SORCS1: variants seen among roughly 807,000 people sequenced by gnomAD.
SORCS1 encodes the protein VPS10 domain-containing receptor SorCS1.
SORCS1 carries 60 observed loss-of-function variants against 146.1 expected under a neutral mutation model. The observed-to-expected ratio is 0.41, with a 90% CI of 0.33 to 0.51. The LOEUF (loss-of-function observed/expected upper bound fraction) is 0.51. Among genes scored for constraint, SORCS1 ranks in the 20% least tolerant of loss-of-function variants. The pLI, the probability that SORCS1 is intolerant of heterozygous loss-of-function variation, is 0.21. For missense variants in SORCS1, 1,352 were observed against 1,487.6 expected (o/e 0.91, Z 1.50); for synonymous variants, 637 against 584.0 (o/e 1.09, Z -1.31).
chr10:106,606,704 G>A (rs1329263766), intron 23 of SORCS1, among the ~76,000 whole-genome samples: 1 of 152,144 alleles, frequency 6.6e-6, no homozygotes, highest in Non-Finnish European at 1.5e-5. Flanking sequence ...TTGAACTGCA[G>A]TTCCCATAAT....
At chr10:107,006,039 G>A (rs1957429461) in intron 1 of SORCS1, among the ~76,000 whole-genome samples, 1 of 152,240 alleles carries the variant, frequency 6.6e-6, no homozygotes, top group East Asian at 1.9e-4. Context: ...TCCCTACATT[G>A]TCCAATTTAA....
intron 1 of SORCS1, among the ~76,000 whole-genome samples, chr10:107,084,642 A>G (rs1162356047): frequency 6.6e-6 from 1 of 152,178 alleles, no homozygotes; most frequent in Non-Finnish European, 1.5e-5. Context: ...ATAATAGTCT[A>G]CAATAGTTAC....
intron 3 of SORCS1, among the ~76,000 whole-genome samples, chr10:106,794,501 CTTTTTT>C (rs35647552): frequency 1.6e-5 from 2 of 126,068 alleles, no homozygotes; most frequent in Admixed American, 1.7e-4. Flanking sequence ...TTTTCTTTTT[CTTTTTT>C]TTTTTTTTTT....
At chr10:106,588,505 G>A (rs1845377755) in intron 24 of SORCS1, among the ~76,000 whole-genome samples, 1 of 152,058 alleles carries the variant, frequency 6.6e-6, no homozygotes, top group African/African-American at 2.4e-5. Context: ...GTTGAACAGT[G>A]GTTGTTAAGA....
intron 1 of SORCS1, among the ~76,000 whole-genome samples, chr10:107,004,694 A>G (rs1337426487): frequency 6.6e-6 from 1 of 152,138 alleles, no homozygotes; most frequent in East Asian, 1.9e-4. Context: ...ATTTACCAGA[A>G]GTGGCTACTC....
intron 5 of SORCS1, among the ~76,000 whole-genome samples, chr10:106,756,552 A>C (rs554560455): frequency 6.6e-6 from 1 of 152,226 alleles, no homozygotes; most frequent in Admixed American, 6.5e-5. Flanking sequence ...TGTTGCTGTC[A>C]GTTAAATTAA....
chr10:106,607,267 C>T lies in SORCS1; in HGVS notation c.3064G>A (p.Val1022Met). 6.2e-7 allele frequency: 1 copy of T among 1,614,064 alleles called. No individual in the cohort carries two copies. The highest frequency in any genetic ancestry group is 1.1e-5 in the South Asian group (1 of 91,078). The change falls in exon 23 of 26, where the codon GTG becomes ATG. Residue 1022 changes from valine to methionine, a missense_variant. By Grantham distance (21) the Val-to-Met change is conservative. Around this residue, in one of 3 missense-constraint regions of SORCS1, gnomAD observed 214 missense variants for 204.8 expected, o/e 1.05. Transcript: ENST00000263054. Reference protein sequence around the residue: ...ATGVPGQHILVAVLPGLPTTA... With the variant: ...ATGVPGQHILMAVLPGLPTTA... ...GTGGGTAAGCCAGGGAGCACCGCCA[C>T]CAGGATGTGCTGGCCTGGAACCCCT...
chr10:106,941,272 T>C (rs571056819), intron 2 of SORCS1, among the ~76,000 whole-genome samples: 6 of 152,292 alleles, frequency 3.9e-5, no homozygotes, highest in Admixed American at 6.5e-5. Flanking sequence ...GATCCAAGAT[T>C]TGTGTTTGTC....
chr10:107,074,602 G>A (rs1177885443), intron 1 of SORCS1, among the ~76,000 whole-genome samples: 4 of 152,090 alleles, frequency 2.6e-5, no homozygotes, highest in East Asian at 1.9e-4. Flanking sequence ...AGTATGATTC[G>A]TTTGTGAGAA....
chr10:107,012,331 G>A (rs1025374067), intron 1 of SORCS1, among the ~76,000 whole-genome samples: 1 of 152,164 alleles, frequency 6.6e-6, no homozygotes, highest in Admixed American at 6.5e-5. Context: ...ACAATTAAAA[G>A]CCAAAGTGCT....
At chr10:106,733,826 C>T (rs1472482795) in intron 5 of SORCS1, among the ~76,000 whole-genome samples, 1 of 152,132 alleles carries the variant, frequency 6.6e-6, no homozygotes, top group Non-Finnish European at 1.5e-5. Context: ...GGATTGGGCA[C>T]CTTTGTTTTA....
At chr10:106,957,165 G>GGTTT (rs1554894764) in intron 1 of SORCS1, among the ~76,000 whole-genome samples, 2 of 138,072 alleles carry the variant, frequency 1.4e-5, no homozygotes, top group African/African-American at 2.8e-5. Flanking sequence ...GTTTTTTTTT[G>GGTTT]TTTTTTTTGT....
chr10:106,667,124 A>G (rs1043171582), intron 17 of SORCS1: 1 of 152,366 alleles, frequency 6.6e-6, no homozygotes, highest in African/African-American at 2.4e-5. Context: ...ATAATATTGC[A>G]TAAGCCCCAT....
At chr10:107,043,983 G>A (rs1158536583) in intron 1 of SORCS1, among the ~76,000 whole-genome samples, 7 of 152,086 alleles carry the variant, frequency 4.6e-5, no homozygotes, top group East Asian at 3.9e-4. Context: ...TTCTCCTGGC[G>A]GGATGTGACT....
chr10:106,951,609 C>G (rs1368913933), intron 2 of SORCS1, among the ~76,000 whole-genome samples: 1 of 151,666 alleles, frequency 6.6e-6, no homozygotes, highest in African/African-American at 2.4e-5. Context: ...CCAGATCATT[C>G]CAAGGCATAA....
chr10:106,995,781 A>G (rs1956965151), intron 1 of SORCS1, among the ~76,000 whole-genome samples: 1 of 152,132 alleles, frequency 6.6e-6, no homozygotes, highest in Admixed American at 6.6e-5. Context: ...ATGCTAAGTG[A>G]TAATTTAAAA....
chr10:106,617,583 C>T (rs1454488799), intron 21 of SORCS1, among the ~76,000 whole-genome samples: 1 of 152,118 alleles, frequency 6.6e-6, no homozygotes, highest in African/African-American at 2.4e-5. Context: ...AATCCTGTGA[C>T]CATATTCAAT....
Position 107,030,396 on chromosome 10 carries a change from C to T in SORCS1, c.559-73816G>A, listed in dbSNP as rs141125144. Among the ~76,000 whole-genome samples the T allele has an allele frequency of 1.2e-4, 18 of 152,266 alleles. No individual in the cohort carries two copies. In the East Asian group the frequency reaches 2.1e-3, roughly 18 times the overall value. On this transcript the variant is annotated intron_variant, in intron 1 of 25. Transcript: ENST00000263054. ...TGCAGTTAAATATCTTGTCTGAGGT[C>T]AATTTGTAAACCCCAATTTGTATGA... is the stretch of plus-strand genomic sequence containing the variant.
chr10:106,698,965 C>T (rs969324130), intron 9 of SORCS1, among the ~76,000 whole-genome samples: 1 of 152,292 alleles, frequency 6.6e-6, no homozygotes, highest in Admixed American at 6.5e-5. Context: ...CCAGACATTC[C>T]GCAAGTCCAC....
Sources: gnomAD v4.1 joint callset for allele counts (sites outside exome capture counted in the v4.1 genomes callset) on GRCh38, gnomAD v4.1.1 for gene constraint, gnomAD v4.1.1 regional missense constraint, MANE v1.5 for transcripts, NCBI Gene and HGNC (gene_info 2026-07-23, HGNC 2026-07-21) for gene names.